The following EPHA5 variants were observed in gnomAD, a reference collection of about 807,000 sequenced individuals.
EPHA5 encodes EPH receptor A5, also known as ephrin type-A receptor 5.
Under a neutral mutation model 105.0 loss-of-function variants are expected in EPHA5, and 60 were observed. That is an observed-to-expected ratio of 0.57 (90% CI 0.46 to 0.71). EPHA5 has a LOEUF of 0.71. Among genes scored for constraint, EPHA5 ranks in the 30% least tolerant of loss-of-function variants. The probability of loss-of-function intolerance (pLI) is 0.00; values close to 1 mark genes in which losing one functional copy is unlikely to be tolerated. For synonymous variants in EPHA5, 513 were observed against 449.1 expected (o/e 1.14, Z -1.80); for missense variants, 1,218 against 1,274.7 (o/e 0.96, Z 0.68).
chr4:65,533,932 C>CA lies in EPHA5; in HGVS notation c.911-38390dup, dbSNP rs956529226. 4.3e-3 allele frequency among the ~76,000 whole-genome samples: 569 copies of CA among 132,110 alleles called. 3 individuals are homozygous for CA. Among genetic ancestry groups the CA allele is most frequent in the African/African-American group, 0.011 (397 of 35,072 alleles). 86.7% of individuals were successfully genotyped at this position (132,110 alleles called of 152,430 possible). On this transcript the variant is annotated intron_variant, in intron 3 of 16. Coordinates refer to ENST00000613740, the MANE Select transcript of EPHA5 (RefSeq NM_001281766.3). Reference sequence around the variant, plus strand: ...TGGGTGACAGAGTGAGACTCCATCTCAAAAAAAAATAAATAAATAAAAGAA... The same window carrying CA: ...TGGGTGACAGAGTGAGACTCCATCTCAAAAAAAAAATAAATAAATAAAAGAA...
At chr4:65,377,143 C>T (rs555133659) in intron 8 of EPHA5, 13 of 1,319,820 alleles carry the variant, frequency 9.8e-6, no homozygotes, top group East Asian at 2.6e-5. Context: ...TATGAATTTA[C>T]TCAGGTGTCT....
At position 65,574,041 on chromosome 4, in the gene EPHA5, G is replaced by A. The variant is rs919825851; in HGVS notation, c.910+27600C>T. The A allele has an allele frequency of 3.1e-6, 5 of 1,598,792 alleles. No individual in the cohort carries two copies. In the African/African-American group the frequency reaches 6.7e-5, roughly 21 times the overall value. On this transcript the variant is annotated intron_variant, in intron 3 of 16. Coordinates refer to ENST00000613740, the MANE Select transcript of EPHA5 (RefSeq NM_001281766.3). ...TCTATGAAGAACACACCAGAAATTT[G>A]TCATTGCCACCTCAACCAAAATCGA...
intron 5 of EPHA5, among the ~76,000 whole-genome samples, chr4:65,458,233 C>T (rs1475440335): frequency 4.6e-5 from 7 of 151,986 alleles, no homozygotes; most frequent in Admixed American, 1.3e-4. Context: ...AATTTAGTTT[C>T]ATACGAAGAA....
At chr4:65,417,349 A>T (rs1246055949) in intron 6 of EPHA5, among the ~76,000 whole-genome samples, 2 of 152,152 alleles carry the variant, frequency 1.3e-5, no homozygotes, top group South Asian at 4.1e-4. Flanking sequence ...AGGACCCCTA[A>T]CTCAATACAT....
At chr4:65,498,673 G>A (rs535482922) in intron 3 of EPHA5, among the ~76,000 whole-genome samples, 1 of 151,712 alleles carries the variant, frequency 6.6e-6, no homozygotes. Context: ...GTGACTGTAA[G>A]GTATTTGGCT....
chr4:65,480,131 G>A (rs944136305), intron 5 of EPHA5, among the ~76,000 whole-genome samples: 18 of 151,826 alleles, frequency 1.2e-4, no homozygotes, highest in Admixed American at 1.0e-3. Context: ...AAGAAGGAAA[G>A]GAAGAGAGAA....
In EPHA5 at chr4:65,320,324, T is replaced by A. The variant is rs1007727741; in HGVS notation, c.*3790A>T. ...GCTAGCATTTTGATTCCATTTATTC[T>A]TCATCATCATCATCATCATCATCAT... On this transcript the variant is annotated 3_prime_UTR_variant, in exon 17 of 17. Coordinates refer to ENST00000613740, the MANE Select transcript of EPHA5 (RefSeq NM_001281766.3). 8.8e-5 allele frequency: 20 copies of A among 228,114 alleles called. No individual in the cohort carries two copies. The highest frequency in any genetic ancestry group is 1.7e-4 in the Admixed American group (3 of 17,476). The allele number at this position is 228,114 out of a possible 1,614,324, so 14.1% of individuals were successfully genotyped here.
rs1307603215 is a variant in EPHA5, at chr4:65,513,249, T to C, written c.911-17706A>G. Among the ~76,000 whole-genome samples, 3 of 152,292 alleles carry C rather than the reference T, an allele frequency of 2.0e-5. No individual in the cohort carries two copies. In the East Asian group the frequency reaches 5.8e-4, roughly 29 times the overall value. On this transcript the variant is annotated intron_variant, in intron 3 of 16. Transcript: ENST00000613740. ...ATTTTCATTTATGTAAGCACACAGA[T>C]AGTATAATAGCAAGTTTTTGTTTTT...
chr4:65,377,026 A>G (rs2148919962), intron 8 of EPHA5: 3 of 1,609,772 alleles, frequency 1.9e-6, no homozygotes, highest in Non-Finnish European at 1.7e-6. Flanking sequence ...GCAACAGCGC[A>G]CAGGGAAGAA....
At chr4:65,608,688 G>A (rs1744474098) in intron 2 of EPHA5, among the ~76,000 whole-genome samples, 1 of 152,086 alleles carries the variant, frequency 6.6e-6, no homozygotes, top group African/African-American at 2.4e-5. Flanking sequence ...GGTGATCCTG[G>A]AAGAAGAGTT....
chr4:65,341,245 C>T (rs1452076664), intron 14 of EPHA5, among the ~76,000 whole-genome samples: 1 of 152,080 alleles, frequency 6.6e-6, no homozygotes, highest in Non-Finnish European at 1.5e-5. Flanking sequence ...TTATTATACA[C>T]ATTTCACATA....
At chr4:65,668,739 A>T (rs1560845005) in intron 1 of EPHA5, among the ~76,000 whole-genome samples, 1 of 151,950 alleles carries the variant, frequency 6.6e-6, no homozygotes, top group Non-Finnish European at 1.5e-5. Flanking sequence ...GGGGGTAGGG[A>T]GGGGGACTGG....
At chr4:65,337,413 C>G (rs2148816953) in intron 14 of EPHA5, among the ~76,000 whole-genome samples, 2 of 152,224 alleles carry the variant, frequency 1.3e-5, no homozygotes, top group Middle Eastern at 6.8e-3. Flanking sequence ...CACATTCTAT[C>G]TACCCTTCTA....
chr4:65,568,005 A>G (rs1342273768), intron 3 of EPHA5, among the ~76,000 whole-genome samples: 1 of 151,452 alleles, frequency 6.6e-6, no homozygotes, highest in Non-Finnish European at 1.5e-5. Context: ...AAATGGAGAT[A>G]TATTCATGAA....
At chr4:65,543,278 A>T (rs1737029191) in intron 3 of EPHA5, among the ~76,000 whole-genome samples, 1 of 152,046 alleles carries the variant, frequency 6.6e-6, no homozygotes, top group Non-Finnish European at 1.5e-5. Flanking sequence ...GAGGAAGTCA[A>T]ATTGTCTCTG....
At chr4:65,509,208 G>T (rs1392206327) in intron 3 of EPHA5, among the ~76,000 whole-genome samples, 1 of 151,984 alleles carries the variant, frequency 6.6e-6, no homozygotes, top group African/African-American at 2.4e-5. Context: ...GAAAATTCAC[G>T]CTCAAAATAA....
chr4:65,474,861 T>C (rs907717112), intron 5 of EPHA5, among the ~76,000 whole-genome samples: 1 of 152,194 alleles, frequency 6.6e-6, no homozygotes, highest in African/African-American at 2.4e-5. Flanking sequence ...TAGGTCTTCA[T>C]CAATAAAGAT....
At chr4:65,484,691 G>A (rs1354373355) in intron 5 of EPHA5, among the ~76,000 whole-genome samples, 1 of 151,650 alleles carries the variant, frequency 6.6e-6, no homozygotes, top group Non-Finnish European at 1.5e-5. Context: ...TTTTCTATTG[G>A]GACAAAATAT....
rs1416835267 is a variant in EPHA5 at position 65,531,289 on chromosome 4, G to A, written c.911-35746C>T. 3.3e-5 allele frequency among the ~76,000 whole-genome samples: 5 copies of A among 150,904 alleles called. No homozygotes were observed. The South Asian group carries it at 6.3e-4, about 19-fold the overall frequency. ...CCTGACCTCATGATCCACCCGCCTC[G>A]GCCTCCCAAAGTGCTGGGATTACAG... On this transcript the variant is annotated intron_variant, in intron 3 of 16. Coordinates refer to ENST00000613740, the MANE Select transcript of EPHA5 (RefSeq NM_001281766.3).
Sources: allele counts gnomAD v4.1 joint callset (sites outside exome capture counted in the v4.1 genomes callset), GRCh38; gene constraint gnomAD v4.1.1; transcripts MANE v1.5; gene names NCBI Gene and HGNC (gene_info 2026-07-23, HGNC 2026-07-21).